Variants in MIDEAS observed in about 807,000 individuals in gnomAD.
MIDEAS encodes mitotic deacetylase-associated SANT domain protein.
In MIDEAS, 26 loss-of-function variants were observed where a neutral mutation model predicts 102.7. The observed-to-expected ratio is 0.25, with a 90% confidence interval of 0.19 to 0.35. The LOEUF is 0.35. Among genes scored for constraint, MIDEAS ranks in the 10% least tolerant of loss-of-function variants. The pLI is 1.00. For synonymous variants in MIDEAS, 585 were observed against 591.0 expected (o/e 0.99, Z 0.15); for missense variants, 1,231 against 1,435.6 (o/e 0.86, Z 2.30).
At position 73,742,810 on chromosome 14, in the gene MIDEAS, G is replaced by A. The variant is rs1003545703; in HGVS notation, c.-247-2555C>T. Among the ~76,000 whole-genome samples the A allele has an allele frequency of 2.0e-5, 3 of 152,154 alleles. No homozygotes were observed. The highest frequency in any genetic ancestry group is 7.2e-5 in the African/African-American group (3 of 41,428). On this transcript the variant is annotated intron_variant, in intron 1 of 12. Coordinates refer to ENST00000423556, the MANE Select transcript of MIDEAS (RefSeq NM_001367710.1). This position sits in a 1 kb window ranked among gnomAD's most constrained non-coding sequence, Gnocchi z 4.4. ...GGTCATCGGCTGGGGGTGGGGAGAA[G>A]AGTGGAAGATACTGGCAGCCTGGGA...
chr14:73,768,973 G>A (rs1218551808), intron 1 of MIDEAS, among the ~76,000 whole-genome samples: 2 of 152,164 alleles, frequency 1.3e-5, no homozygotes, highest in African/African-American at 4.8e-5. Flanking sequence ...ACGAGTCACT[G>A]TCATTTATCA....
In MIDEAS at chr14:73,734,875, G is replaced by A. The variant is rs570732994; in HGVS notation, c.1749+2123C>T. Among the ~76,000 whole-genome samples, 4 of 152,304 alleles carry A rather than the reference G, an allele frequency of 2.6e-5. No homozygotes were observed. The East Asian group carries it at 7.7e-4, about 29-fold the overall frequency. On this transcript the variant is annotated intron_variant, in intron 3 of 12. Transcript: ENST00000423556. ...TGCTGGGGTAATCATGAAAAGAGCA[G>A]TATGCAAGAATATAACTAATAAATT...
chr14:73,766,036 T>C (rs2053590000), intron 1 of MIDEAS, among the ~76,000 whole-genome samples: 2 of 152,238 alleles, frequency 1.3e-5, no homozygotes, highest in Non-Finnish European at 2.9e-5. Flanking sequence ...TCCCCGGCTC[T>C]ACCCTGCTTC....
intron 12 of MIDEAS, 78 bp from the exon 13 acceptor site, chr14:73,719,086 G>C: frequency 2.1e-6 from 3 of 1,449,422 alleles, no homozygotes; most frequent in Non-Finnish European, 2.7e-6. Context: ...AGGAGCCCCA[G>C]CCTTCACCTT....
rs902502400 is a variant in MIDEAS at position 73,721,225 on chromosome 14, C to G, written c.2937+72G>C. The G allele has an allele frequency of 4.2e-6, 6 of 1,421,706 alleles. No homozygotes were observed. In the African/African-American group the frequency reaches 5.6e-5, roughly 13 times the overall value. 88.1% of individuals were successfully genotyped at this position (1,421,706 alleles called of 1,614,324 possible). On this transcript the variant is annotated intron_variant, in intron 11 of 12. Transcript: ENST00000423556. ...AATGAGGATCACAGTCCTGCTCTACCCTCCCTCCCACGCCCCCAGGCCCAG... is the reference window on the plus strand; with the variant it reads ...AATGAGGATCACAGTCCTGCTCTACGCTCCCTCCCACGCCCCCAGGCCCAG...
intron 1 of MIDEAS, among the ~76,000 whole-genome samples, chr14:73,781,533 G>C (rs2053757009): frequency 1.3e-5 from 2 of 151,486 alleles, no homozygotes; most frequent in Non-Finnish European, 2.9e-5. Context: ...TTGGGAGTTC[G>C]AGACCAGCCT....
At chr14:73,743,495 C>G (rs971633546) in intron 1 of MIDEAS, among the ~76,000 whole-genome samples, 3 of 152,188 alleles carry the variant, frequency 2.0e-5, no homozygotes, top group Non-Finnish European at 4.4e-5. Flanking sequence ...GGCTCAGTTG[C>G]TGCTGGTGGT....
intron 1 of MIDEAS, among the ~76,000 whole-genome samples, chr14:73,756,652 C>T (rs543150799): frequency 7.9e-5 from 12 of 152,330 alleles, no homozygotes; most frequent in African/African-American, 2.6e-4. Context: ...GATGCATGCA[C>T]GCCTGCACAC....
intron 1 of MIDEAS, among the ~76,000 whole-genome samples, chr14:73,783,857 A>G (rs2053780164): frequency 6.6e-6 from 1 of 152,184 alleles, no homozygotes; most frequent in Non-Finnish European, 1.5e-5. Flanking sequence ...AGCGACTAGA[A>G]TGCCCTCTTT....
At chr14:73,722,491 G>C in intron 10 of MIDEAS, 1 of 454,572 alleles carries the variant, frequency 2.2e-6, no homozygotes, top group Non-Finnish European at 3.9e-6. Context: ...ATTACCCTGT[G>C]TATCAACACA....
intron 1 of MIDEAS, among the ~76,000 whole-genome samples, chr14:73,752,565 G>A (rs2053433643): frequency 1.3e-5 from 2 of 152,044 alleles, no homozygotes; most frequent in South Asian, 4.1e-4. Context: ...CTAGCGACCA[G>A]GAAGCAAAAA....
rs112836477 is a variant in MIDEAS at position 73,719,167 on chromosome 14, G to A, written c.3134+138C>T. 6.0e-3 allele frequency: 8,941 copies of A among 1,483,510 alleles called. 370 individuals carry two copies. In the African/African-American group the frequency reaches 0.1, roughly 17 times the overall value. 91.9% of individuals were successfully genotyped at this position (1,483,510 alleles called of 1,614,324 possible). On this transcript the variant is annotated intron_variant, in intron 12 of 12. Coordinates refer to ENST00000423556, the MANE Select transcript of MIDEAS (RefSeq NM_001367710.1). Reference sequence around the variant, plus strand: ...CCGAAAGCTGCCCCATGACGTCACAGCCCTAGAAACCCGCTGAGCCAACCA... The same window carrying A: ...CCGAAAGCTGCCCCATGACGTCACAACCCTAGAAACCCGCTGAGCCAACCA...
In MIDEAS at chr14:73,719,057, C is replaced by A. The variant is rs1441353359; in HGVS notation, c.3135-49G>T. ...AGAACCGGCCTAGCCCACCCGGGGG[C>A]CCCCAGCGCGGGTGCGCGAGGAGCC... On this transcript the variant is annotated intron_variant, in intron 12 of 12. Transcript: ENST00000423556. 3 of 1,448,150 alleles carry A rather than the reference C, an allele frequency of 2.1e-6. No homozygotes were observed. The South Asian group carries it at 4.4e-5, about 21-fold the overall frequency. The allele number at this position is 1,448,150 out of a possible 1,614,324, so 89.7% of individuals were successfully genotyped here. A position where few individuals can be genotyped will look rare whatever the true frequency, so the allele number is the denominator to read the frequency against.
chr14:73,739,494 C>T lies in MIDEAS; in HGVS notation c.515G>A (p.Gly172Asp), dbSNP rs961569599. 1.2e-6 allele frequency: 2 copies of T among 1,611,596 alleles called. No homozygotes were observed. Among genetic ancestry groups the T allele is most frequent in the Non-Finnish European group, 1.7e-6 (2 of 1,178,628 alleles). Residue 172 changes from glycine (G) to aspartate (D), a missense_variant, in exon 2 of 13, where the codon GGC becomes GAC. Around this residue, in one of 5 missense-constraint regions of MIDEAS, gnomAD observed 758 missense variants for 856.0 expected, o/e 0.89. Coordinates refer to ENST00000423556, the MANE Select transcript of MIDEAS (RefSeq NM_001367710.1). ...TCGCACATAGCGGTCCAGCTGTGGG[C>T]CCCCCGCTTTCTCCCGCTTCAGTGC... ...PEALKREKAG[G>D]PQLDRYVRPM...
At chr14:73,738,305 G>C (rs2053230541) in intron 2 of MIDEAS, among the ~76,000 whole-genome samples, 1 of 152,156 alleles carries the variant, frequency 6.6e-6, no homozygotes, top group Non-Finnish European at 1.5e-5. Context: ...GCTGAGGCTG[G>C]AGAATCACTT....
At position 73,766,947 on chromosome 14, in the gene MIDEAS, C is replaced by T. The variant is rs530831450; in HGVS notation, c.-248+20155G>A. Among the ~76,000 whole-genome samples the T allele has an allele frequency of 2.7e-5, 4 of 147,202 alleles. No homozygotes were observed. In the South Asian group the frequency reaches 8.6e-4, roughly 32 times the overall value. ...CTCAGCTCACTGCAACCTCCGACTTCTGGGTTCAAGTGATTCTTCTGCCTC... is the reference window on the plus strand; with the variant it reads ...CTCAGCTCACTGCAACCTCCGACTTTTGGGTTCAAGTGATTCTTCTGCCTC... On this transcript the variant is annotated intron_variant, in intron 1 of 11. Coordinates refer to the MIDEAS transcript ENST00000394071.
rs1390287370 is a variant in MIDEAS, at chr14:73,739,306, G to A, written c.703C>T (p.Pro235Ser). Residue 235 changes from proline (P) to serine (S), a missense_variant, in exon 2 of 13, where the codon CCG (proline) becomes TCG (serine). By Grantham distance (74) the Pro-to-Ser change is moderately conservative (BLOSUM62 -1). Coordinates refer to ENST00000423556, the MANE Select transcript of MIDEAS (RefSeq NM_001367710.1). ...VNRQVFRQGP[P>S]PPNPVAAFPP... ...AAGGCAGCCACCGGGTTTGGGGGCGGTGGGCCCTGCCGGAAGACCTGCCGG... is the reference window on the plus strand; with the variant it reads ...AAGGCAGCCACCGGGTTTGGGGGCGATGGGCCCTGCCGGAAGACCTGCCGG... 6.2e-7 allele frequency: 1 copy of A among 1,611,058 alleles called. No individual in the cohort carries two copies. The highest frequency in any genetic ancestry group is 1.1e-5 in the South Asian group (1 of 90,996).
At chr14:73,779,125 G>A (rs1427564323) in intron 1 of MIDEAS, among the ~76,000 whole-genome samples, 1 of 151,916 alleles carries the variant, frequency 6.6e-6, no homozygotes, top group African/African-American at 2.4e-5. Flanking sequence ...GTTGGCGCAT[G>A]CCTGTAATCC....
intron 1 of MIDEAS, among the ~76,000 whole-genome samples, chr14:73,772,323 A>G (rs947037164): frequency 6.6e-6 from 1 of 151,964 alleles, no homozygotes; most frequent in African/African-American, 2.4e-5. Context: ...GCAATTTCAA[A>G]CACACACACA....
Sources: allele counts gnomAD v4.1 joint callset (sites outside exome capture counted in the v4.1 genomes callset), GRCh38; gene constraint gnomAD v4.1.1; regional missense constraint gnomAD v4.1.1; non-coding constraint Gnocchi (gnomAD v3.1); transcripts MANE v1.5; gene names NCBI Gene and HGNC (gene_info 2026-07-23, HGNC 2026-07-21).